Variants in TMEM132C observed in about 807,000 individuals in gnomAD.
TMEM132C encodes protein phosphatase 1, regulatory subunit 152.
A neutral mutation model predicts 61.4 loss-of-function variants in TMEM132C; 29 were observed. The observed-to-expected ratio is 0.47, with a 90% CI of 0.35 to 0.64. The LOEUF is 0.64. Ranked by LOEUF, TMEM132C falls within the 30% of genes least tolerant of loss-of-function variation. The probability of loss-of-function intolerance (pLI) is 0.00; values close to 1 mark genes in which losing one functional copy is unlikely to be tolerated. For missense variants in TMEM132C, 1,408 were observed against 1,476.9 expected (o/e 0.95, Z 0.76); for synonymous variants, 656 against 633.1 (o/e 1.04, Z -0.54).
At chr12:128,347,291 G>A (rs1304886611) in intron 1 of TMEM132C, among the ~76,000 whole-genome samples, 1 of 152,162 alleles carries the variant, frequency 6.6e-6, no homozygotes, top group African/African-American at 2.4e-5. Context: ...ATTCCATGGT[G>A]TGTATATACC....
chr12:128,543,914 C>A (rs1459845168), intron 2 of TMEM132C, 43 bp from the exon 3 acceptor site: 1 of 1,537,668 alleles, frequency 6.5e-7, no homozygotes, highest in Admixed American at 2.1e-5. Context: ...AAAGGCCAAG[C>A]CTTAACCCTG....
intron 2 of TMEM132C, among the ~76,000 whole-genome samples, chr12:128,515,072 T>C (rs1384264621): frequency 1.3e-5 from 2 of 152,220 alleles, no homozygotes; most frequent in East Asian, 1.9e-4. Flanking sequence ...ATCCCTAGCA[T>C]ATTGGACAAG....
chr12:128,272,544 A>G (rs1870558681), intron 1 of TMEM132C, among the ~76,000 whole-genome samples: 1 of 152,218 alleles, frequency 6.6e-6, no homozygotes, highest in Non-Finnish European at 1.5e-5. Flanking sequence ...TGGGATTGCT[A>G]GGTTGTATGC....
rs79709601 is a variant in TMEM132C, at chr12:128,278,029, T to C, written c.85+10542T>C. Among the ~76,000 whole-genome samples, 718 of 152,222 alleles carry C rather than the reference T, an allele frequency of 4.7e-3. 3 individuals carry two copies. Among genetic ancestry groups the C allele is most frequent in the African/African-American group, 0.017 (689 of 41,550 alleles). On this transcript the variant is annotated intron_variant, in intron 1 of 8. Coordinates refer to ENST00000435159, the MANE Select transcript of TMEM132C (RefSeq NM_001136103.3). The surrounding 1 kb of genome is among the most constrained non-coding windows in gnomAD (Gnocchi z 4.2). The stretch of plus-strand genomic sequence containing the variant: ...ACCTCCTCTTGCAGATAAGGAGACC[T>C]TACTTTCAACCTCAGGTGCTCACCC...
chr12:128,374,664 A>G (rs2398407), intron 1 of TMEM132C, among the ~76,000 whole-genome samples: 141,469 of 151,838 alleles, frequency 0.93, 66,787 homozygotes, highest in East Asian at 1. Flanking sequence ...CCAGGAGGGT[A>G]AGACACACAG....
At chr12:128,276,894 G>A (rs1254006022) in intron 1 of TMEM132C, among the ~76,000 whole-genome samples, 2 of 149,930 alleles carry the variant, frequency 1.3e-5, no homozygotes, top group East Asian at 2.0e-4. Flanking sequence ...GTGCGTGCAT[G>A]CACACACACA....
rs186764738 is a variant in TMEM132C, at chr12:128,560,970, A to G, written c.1121+16867A>G. 2.6e-5 allele frequency among the ~76,000 whole-genome samples: 4 copies of G among 152,322 alleles called. No homozygotes were observed. In the East Asian group the frequency reaches 7.7e-4, roughly 29 times the overall value. On this transcript the variant is annotated intron_variant, in intron 3 of 8. Transcript: ENST00000435159. ...AAAGGAAGAGGCTCAGACAGTCTCT[A>G]TGTGCTGAAAGAAGGGCGCCCTAGG...
intron 2 of TMEM132C, among the ~76,000 whole-genome samples, chr12:128,454,147 A>G (rs970865793): frequency 4.6e-5 from 7 of 152,240 alleles, no homozygotes; most frequent in Non-Finnish European, 8.8e-5. Context: ...TTGGGAAGGT[A>G]TATAAGAAAC....
intron 1 of TMEM132C, chr12:128,294,272 A>T (rs1276299168): frequency 1.3e-5 from 2 of 153,226 alleles, no homozygotes; most frequent in Non-Finnish European, 2.9e-5. Flanking sequence ...GAGACCAGAC[A>T]CGCGTCTCAC....
At chr12:128,418,018 C>G (rs1030528762) in intron 2 of TMEM132C, among the ~76,000 whole-genome samples, 4 of 152,090 alleles carry the variant, frequency 2.6e-5, no homozygotes, top group Admixed American at 2.0e-4. Context: ...CAGCCGTATT[C>G]CCTCCCTTCC....
At chr12:128,687,836 C>T (rs1294560150) in intron 5 of TMEM132C, among the ~76,000 whole-genome samples, 1 of 152,188 alleles carries the variant, frequency 6.6e-6, no homozygotes, top group African/African-American at 2.4e-5. Flanking sequence ...CAAACAAGCC[C>T]ACAGTCTGAG....
At chr12:128,315,041 C>T (rs898265124) in intron 1 of TMEM132C, among the ~76,000 whole-genome samples, 1 of 152,082 alleles carries the variant, frequency 6.6e-6, no homozygotes, top group Non-Finnish European at 1.5e-5. Context: ...CAATATGTTA[C>T]CCAGAGGCAG....
At chr12:128,351,997 T>C (rs1461343735) in intron 1 of TMEM132C, among the ~76,000 whole-genome samples, 1 of 152,158 alleles carries the variant, frequency 6.6e-6, no homozygotes, top group Non-Finnish European at 1.5e-5. Flanking sequence ...GGAGAGCCAG[T>C]GTTCCTGTCT....
intron 1 of TMEM132C, among the ~76,000 whole-genome samples, chr12:128,279,746 G>T (rs1420634264): frequency 6.6e-6 from 1 of 152,194 alleles, no homozygotes; most frequent in African/African-American, 2.4e-5. Flanking sequence ...CACATTGTCT[G>T]TTGTTCTCCA....
chr12:128,691,534 A>G (rs538709440), intron 5 of TMEM132C, among the ~76,000 whole-genome samples: 3 of 152,240 alleles, frequency 2.0e-5, no homozygotes, highest in Admixed American at 6.5e-5. Flanking sequence ...CCATCCATCC[A>G]TCTTTCCATC....
chr12:128,378,583 T>G (rs1874295647), intron 1 of TMEM132C, among the ~76,000 whole-genome samples: 1 of 152,192 alleles, frequency 6.6e-6, no homozygotes, highest in Non-Finnish European at 1.5e-5. Context: ...ATTGGCACTT[T>G]TACAGTGTCT....
At chr12:128,576,769 C>CT (rs1284705766) in intron 3 of TMEM132C, among the ~76,000 whole-genome samples, 1 of 152,172 alleles carries the variant, frequency 6.6e-6, no homozygotes, top group Non-Finnish European at 1.5e-5. Context: ...CAGGCCCATG[C>CT]TTTGGTTGTC....
intron 3 of TMEM132C, among the ~76,000 whole-genome samples, chr12:128,606,960 T>C (rs779421564): frequency 6.6e-6 from 1 of 152,102 alleles, no homozygotes; most frequent in Non-Finnish European, 1.5e-5. Context: ...GGGCTTACAT[T>C]TTAGATAAGA....
At chr12:128,453,744 G>A (rs1343919553) in intron 2 of TMEM132C, among the ~76,000 whole-genome samples, 1 of 152,250 alleles carries the variant, frequency 6.6e-6, no homozygotes, top group Non-Finnish European at 1.5e-5. Flanking sequence ...CTGGTTGTGT[G>A]TGTGTTGGGA....
Sources: allele counts gnomAD v4.1 joint callset (sites outside exome capture counted in the v4.1 genomes callset), GRCh38; gene constraint gnomAD v4.1.1; non-coding constraint Gnocchi (gnomAD v3.1); transcripts MANE v1.5; gene names NCBI Gene and HGNC (gene_info 2026-07-23, HGNC 2026-07-21).